Variants in NUMB observed in about 807,000 individuals in gnomAD.
NUMB encodes NUMB endocytic adaptor protein.
A neutral mutation model predicts 59.7 loss-of-function variants in NUMB; 29 were observed. That is an observed-to-expected ratio of 0.49 (90% CI 0.36 to 0.66). The LOEUF (loss-of-function observed/expected upper bound fraction) is 0.66, where lower values mean the gene tolerates loss of function less well. NUMB is among the 30% of genes least tolerant of loss of function. NUMB has a pLI of 0.00. For synonymous variants in NUMB, 288 were observed against 288.2 expected (o/e 1.00, Z 0.01); for missense variants, 723 against 822.0 (o/e 0.88, Z 1.47).
chr14:73,349,976 A>G (rs934036510), intron 4 of NUMB, among the ~76,000 whole-genome samples: 1 of 151,890 alleles, frequency 6.6e-6, no homozygotes, highest in Non-Finnish European at 1.5e-5. Context: ...AATCACTTGA[A>G]CCCAGAAGCA....
intron 1 of NUMB, among the ~76,000 whole-genome samples, chr14:73,413,756 C>T (rs8003370): frequency 0.051 from 7,805 of 151,790 alleles, 650 homozygotes; most frequent in African/African-American, 0.18. Context: ...CACTCTAGCC[C>T]GAGTGACAGA....
chr14:73,346,270 G>A (rs907850479), intron 4 of NUMB, among the ~76,000 whole-genome samples: 1 of 151,718 alleles, frequency 6.6e-6, no homozygotes, highest in African/African-American at 2.4e-5. Flanking sequence ...ACCTGAGGTC[G>A]GGAGTTCGAG....
chr14:73,450,532 C>T (rs74734242), intron 1 of NUMB, among the ~76,000 whole-genome samples: 1 of 152,242 alleles, frequency 6.6e-6, no homozygotes, highest in South Asian at 2.1e-4. Flanking sequence ...CAGTGGCTCA[C>T]GCCTGTAATC....
intron 2 of NUMB, among the ~76,000 whole-genome samples, chr14:73,389,469 C>T (rs1474611910): frequency 1.3e-5 from 2 of 151,534 alleles, no homozygotes; most frequent in East Asian, 2.0e-4. Flanking sequence ...ACTACAGGTG[C>T]GTGCCACCAC....
At chr14:73,443,958 AG>A (rs1351049682) in intron 1 of NUMB, among the ~76,000 whole-genome samples, 7 of 151,896 alleles carry the variant, frequency 4.6e-5, no homozygotes, top group Non-Finnish European at 8.8e-5. Flanking sequence ...CCCACGCAGG[AG>A]TGCAGTGGCG....
chr14:73,399,599 C>T (rs1406298452), intron 2 of NUMB, among the ~76,000 whole-genome samples: 1 of 151,940 alleles, frequency 6.6e-6, no homozygotes, highest in Admixed American at 6.6e-5. Flanking sequence ...GAAAAAAAGG[C>T]TTAGCCATAT....
intron 1 of NUMB, among the ~76,000 whole-genome samples, chr14:73,428,900 T>C (rs1328299411): frequency 2.0e-5 from 3 of 152,196 alleles, no homozygotes; most frequent in South Asian, 2.1e-4. Flanking sequence ...AGAACTTTAA[T>C]TGGAGAGGTG....
At chr14:73,440,420 G>A (rs1309470569) in intron 1 of NUMB, among the ~76,000 whole-genome samples, 1 of 151,868 alleles carries the variant, frequency 6.6e-6, no homozygotes, top group Non-Finnish European at 1.5e-5. Context: ...ACTCTTAGAA[G>A]ACACTGACAT....
At chr14:73,441,493 C>T (rs113504718) in intron 1 of NUMB, among the ~76,000 whole-genome samples, 257 of 152,080 alleles carry the variant, frequency 1.7e-3, no homozygotes, top group African/African-American at 6.0e-3. Flanking sequence ...GCCAAGATCA[C>T]GCCACACACT....
chr14:73,452,277 C>T (rs1884040593), intron 1 of NUMB, among the ~76,000 whole-genome samples: 2 of 152,104 alleles, frequency 1.3e-5, no homozygotes, highest in Non-Finnish European at 2.9e-5. Context: ...GGAGAATCAC[C>T]TGAACCCAGG....
rs1396680945 is a variant in NUMB, at chr14:73,385,485, T to G, written c.-100-18504A>C. 2.1e-5 allele frequency among the ~76,000 whole-genome samples: 3 copies of G among 144,536 alleles called. No individual in the cohort carries two copies. The South Asian group carries it at 6.5e-4, about 31-fold the overall frequency. The allele number at this position is 144,536 out of a possible 152,430, so 94.8% of individuals were successfully genotyped here. On this transcript the variant is annotated intron_variant, in intron 2 of 12. Coordinates refer to ENST00000555238, the MANE Select transcript of NUMB (RefSeq NM_001005743.2). ...TAATTTAAATCAAAATAGCTACATATGGCTAGTGGCCTTTTTTTTTTTTTT... is the reference window on the plus strand; with the variant it reads ...TAATTTAAATCAAAATAGCTACATAGGGCTAGTGGCCTTTTTTTTTTTTTT...
At chr14:73,388,106 AAAAAT>A (rs200789775) in intron 2 of NUMB, among the ~76,000 whole-genome samples, 3,077 of 152,160 alleles carry the variant, frequency 0.02, 97 homozygotes, top group African/African-American at 0.07. Context: ...CTGTCTCTAA[AAAAAT>A]AAAATAAAAT....
In NUMB at chr14:73,341,560, G is replaced by GTTGA. The variant is rs536802495; in HGVS notation, c.126+14062_126+14065dup. ...AGAATGGAAATGGGGTAGGAAAAGT[G>GTTGA]TTGATTGATTGATTGATGAGGTCTG... On this transcript the variant is annotated intron_variant, in intron 4 of 12. Transcript: ENST00000555238. Among the ~76,000 whole-genome samples the GTTGA allele has an allele frequency of 2.7e-4, 41 of 152,228 alleles. 1 individual carries two copies. The South Asian group carries it at 8.1e-3, about 30-fold the overall frequency.
chr14:73,295,687 T>C (rs1889729451), intron 7 of NUMB, among the ~76,000 whole-genome samples: 1 of 152,200 alleles, frequency 6.6e-6, no homozygotes, highest in African/African-American at 2.4e-5. Context: ...CTTTCTCCCC[T>C]TTCAGTGGCA....
chr14:73,393,271 G>A (rs544699242), intron 2 of NUMB, among the ~76,000 whole-genome samples: 29 of 152,292 alleles, frequency 1.9e-4, no homozygotes, highest in African/African-American at 7.0e-4. Flanking sequence ...ACTAAGGCTA[G>A]ACAGCTATCC....
At chr14:73,310,992 G>A (rs899710510) in intron 6 of NUMB, among the ~76,000 whole-genome samples, 1 of 152,168 alleles carries the variant, frequency 6.6e-6, no homozygotes, top group South Asian at 2.1e-4. Context: ...GAAGCTGCAT[G>A]TAATAATCCC....
At chr14:73,318,687 A>G (rs1891216422) in intron 5 of NUMB, among the ~76,000 whole-genome samples, 2 of 152,230 alleles carry the variant, frequency 1.3e-5, no homozygotes, top group East Asian at 3.8e-4. Flanking sequence ...CATTTATCCT[A>G]TAGAAGCTAA....
chr14:73,311,106 C>T (rs1320928487), intron 6 of NUMB, among the ~76,000 whole-genome samples: 1 of 152,088 alleles, frequency 6.6e-6, no homozygotes, highest in African/African-American at 2.4e-5. Flanking sequence ...GGCTGAAGTG[C>T]AGTGTCATGA....
chr14:73,349,418 T>C (rs1174404437), intron 4 of NUMB, among the ~76,000 whole-genome samples: 1 of 151,828 alleles, frequency 6.6e-6, no homozygotes, highest in East Asian at 1.9e-4. Context: ...TGAAACCCCA[T>C]CTCTACTAAA....
Sources: allele counts gnomAD v4.1 joint callset (sites outside exome capture counted in the v4.1 genomes callset), GRCh38; gene constraint gnomAD v4.1.1; transcripts MANE v1.5; gene names NCBI Gene and HGNC (gene_info 2026-07-23, HGNC 2026-07-21).